The following TAF4B variants were observed in gnomAD, a reference collection of about 807,000 sequenced individuals.
The protein encoded by TAF4B is transcription initiation factor TFIID subunit 4B.
In TAF4B, 38 loss-of-function variants were observed where a neutral mutation model predicts 86.4. The observed-to-expected ratio is 0.44, with a 90% CI of 0.34 to 0.58. The LOEUF is 0.58. TAF4B is among the 20% of genes least tolerant of loss of function. The pLI is 0.02. For synonymous variants in TAF4B, 388 were observed against 391.2 expected (o/e 0.99, Z 0.10); for missense variants, 988 against 1,027.6 (o/e 0.96, Z 0.53).
At chr18:26,299,353 A>G (rs2056704139) in intron 9 of TAF4B, among the ~76,000 whole-genome samples, 1 of 152,134 alleles carries the variant, frequency 6.6e-6, no homozygotes. Context: ...AGGATCATGA[A>G]TTACATTGAT....
intron 13 of TAF4B, among the ~76,000 whole-genome samples, chr18:26,338,328 A>G (rs1016410763): frequency 1.3e-5 from 2 of 152,008 alleles, no homozygotes; most frequent in Non-Finnish European, 2.9e-5. Flanking sequence ...GCACACCTGT[A>G]ATCCCAGTTA....
chr18:26,272,414 G>GTATATACTATACGCGGCACGGC (rs2056332057), intron 3 of TAF4B, among the ~76,000 whole-genome samples: 1 of 152,066 alleles, frequency 6.6e-6, no homozygotes, highest in East Asian at 1.9e-4. Flanking sequence ...CACAGGGGTT[G>GTATATACTATACGCGGCACGGC]GGGACCCCTG....
chr18:26,282,149 T>A, intron 6 of TAF4B, 89 bp downstream of exon 6: 1 of 1,098,402 alleles, frequency 9.1e-7, no homozygotes, highest in Non-Finnish European at 1.4e-6. Flanking sequence ...TGACAGCAAT[T>A]GAATGTGAAG....
intron 5 of TAF4B, among the ~76,000 whole-genome samples, chr18:26,277,448 C>T (rs1307379966): frequency 6.6e-6 from 1 of 152,116 alleles, no homozygotes; most frequent in African/African-American, 2.4e-5. Flanking sequence ...TAAGTGAAAA[C>T]CGAGTTTCAA....
chr18:26,322,095 C>T (rs1021912912), intron 11 of TAF4B, among the ~76,000 whole-genome samples: 2 of 152,046 alleles, frequency 1.3e-5, no homozygotes, highest in African/African-American at 4.8e-5. Context: ...CTGTTTCCCT[C>T]TTTCCAAGAA....
chr18:26,270,217 A>G (rs926173934), intron 3 of TAF4B, among the ~76,000 whole-genome samples: 4 of 152,210 alleles, frequency 2.6e-5, no homozygotes, highest in African/African-American at 9.6e-5. Flanking sequence ...AAGGAACTCC[A>G]TTACACTACT....
At chr18:26,269,341 C>CAATGAGTATGCTGA in intron 3 of TAF4B, among the ~76,000 whole-genome samples, 1 of 152,096 alleles carries the variant, frequency 6.6e-6, no homozygotes, top group Non-Finnish European at 1.5e-5. Flanking sequence ...ATTTTTGATT[C>CAATGAGTATGCTGA]AATGAGTATG....
At chr18:26,387,100 CTG>C (rs1326643051) in intron 14 of TAF4B, among the ~76,000 whole-genome samples, 2 of 152,154 alleles carry the variant, frequency 1.3e-5, no homozygotes, top group Non-Finnish European at 2.9e-5. Context: ...GAGTCTCACT[CTG>C]TCACCCAGGC....
intron 1 of TAF4B, among the ~76,000 whole-genome samples, chr18:26,258,499 A>G (rs112403654): frequency 6.6e-6 from 1 of 152,162 alleles, no homozygotes; most frequent in Admixed American, 6.5e-5. Context: ...GTTCTATACA[A>G]TAGTTTTTAA....
At chr18:26,261,291 C>T (rs1277580200) in intron 1 of TAF4B, among the ~76,000 whole-genome samples, 1 of 148,342 alleles carries the variant, frequency 6.7e-6, no homozygotes, top group Non-Finnish European at 1.5e-5. Flanking sequence ...AGCTCCGCCT[C>T]CCGGGTTCAC....
At chr18:26,320,936 T>G in intron 10 of TAF4B, 134 bp from the exon 11 acceptor site, 1 of 1,076,616 alleles carries the variant, frequency 9.3e-7, no homozygotes, top group Non-Finnish European at 1.3e-6. Context: ...GTGACTTTAC[T>G]AGGAAAATCA....
At chr18:26,258,096 A>C (rs1598732787) in intron 1 of TAF4B, among the ~76,000 whole-genome samples, 1 of 152,108 alleles carries the variant, frequency 6.6e-6, no homozygotes, top group Non-Finnish European at 1.5e-5. Context: ...TCTACTAAAA[A>C]TACAAAAATT....
chr18:26,279,559 A>AC (rs1246232417), intron 5 of TAF4B, among the ~76,000 whole-genome samples: 25 of 151,144 alleles, frequency 1.7e-4, no homozygotes, highest in Non-Finnish European at 2.7e-4. Flanking sequence ...AAAAAAAAAA[A>AC]AACAACAACA....
At chr18:26,350,205 G>A (rs984679990) in intron 13 of TAF4B, among the ~76,000 whole-genome samples, 4 of 151,982 alleles carry the variant, frequency 2.6e-5, no homozygotes, top group African/African-American at 9.7e-5. Flanking sequence ...AAAAATAAAT[G>A]GGATTATATT....
At chr18:26,314,753 C>T (rs1252495613) in intron 9 of TAF4B, among the ~76,000 whole-genome samples, 2 of 152,144 alleles carry the variant, frequency 1.3e-5, no homozygotes, top group South Asian at 2.1e-4. Context: ...ACACTGGGGA[C>T]AGCTGATGGA....
intron 13 of TAF4B, among the ~76,000 whole-genome samples, chr18:26,340,878 A>G (rs1053091968): frequency 9.2e-5 from 14 of 152,272 alleles, no homozygotes; most frequent in South Asian, 8.3e-4. Context: ...TCCAATTATC[A>G]TTCATTAGGT....
At position 26,227,023 on chromosome 18, in the gene TAF4B, G is replaced by A. The variant is rs755665832; in HGVS notation, c.90G>A (p.Ala30=). 1.9e-5 allele frequency: 28 copies of A among 1,481,240 alleles called. No individual in the cohort carries two copies. In the Admixed American group the frequency reaches 5.2e-4, roughly 27 times the overall value. The allele number at this position is 1,481,240 out of a possible 1,614,324, so 91.8% of individuals were successfully genotyped here. Reference sequence around the variant, plus strand: ...CCGTGACCATGGCCCCGGCCGGGGCGCTGCCGGTGCGGGTGGAGAGCACTC... The same window carrying A: ...CCGTGACCATGGCCCCGGCCGGGGCACTGCCGGTGCGGGTGGAGAGCACTC... ...SGTVTMAPAG[A]LPVRVESTPV... is the part of the protein sequence containing the mutation. Residue 30 remains alanine, a synonymous_variant, in exon 1 of 15, where the codon GCG becomes GCA. Transcript: ENST00000269142.
At chr18:26,316,673 C>T (rs1475860185) in intron 10 of TAF4B, among the ~76,000 whole-genome samples, 1 of 152,178 alleles carries the variant, frequency 6.6e-6, no homozygotes, top group Non-Finnish European at 1.5e-5. Flanking sequence ...GCGTGAGCCA[C>T]CGTGCCTGGC....
chr18:26,294,444 T>G (rs2056636019), intron 9 of TAF4B, among the ~76,000 whole-genome samples: 1 of 151,792 alleles, frequency 6.6e-6, no homozygotes, highest in Admixed American at 6.6e-5. Context: ...TGTGTTCAAA[T>G]TTTTGGCCCA....
Sources: gnomAD v4.1 joint callset for allele counts (sites outside exome capture counted in the v4.1 genomes callset) on GRCh38, gnomAD v4.1.1 for gene constraint, MANE v1.5 for transcripts, NCBI Gene and HGNC (gene_info 2026-07-23, HGNC 2026-07-21) for gene names.